The following BMP2K variants were observed in gnomAD, a reference collection of about 807,000 sequenced individuals.
BMP2K encodes the protein BMP2 inducible kinase.
In BMP2K, 74 loss-of-function variants were observed where a neutral mutation model predicts 116.0. The ratio of observed to expected loss-of-function variants is 0.64; its 90% confidence interval spans 0.53 to 0.77. The LOEUF (loss-of-function observed/expected upper bound fraction) is 0.77, where lower values mean the gene tolerates loss of function less well. BMP2K is among the 30% of genes least tolerant of loss of function. BMP2K has a pLI of 0.00. For missense variants in BMP2K, 1,365 were observed against 1,403.6 expected, an observed-to-expected ratio of 0.97 and a Z score of 0.44; for synonymous variants, 486 against 502.5, an observed-to-expected ratio of 0.97 and a Z score of 0.44.
At chr4:78,796,496 C>T (rs1159349750) in intron 1 of BMP2K, among the ~76,000 whole-genome samples, 1 of 151,882 alleles carries the variant, frequency 6.6e-6, no homozygotes, top group African/African-American at 2.4e-5. Context: ...TGTAACTAAC[C>T]TGCACAATGT....
chr4:78,878,310 C>CT (rs1485716911), intron 13 of BMP2K, among the ~76,000 whole-genome samples: 1 of 152,110 alleles, frequency 6.6e-6, no homozygotes, highest in Non-Finnish European at 1.5e-5. Context: ...GATAAGGTGA[C>CT]TGATTTTTTA....
At chr4:78,859,395 C>G (rs1731660213) in intron 7 of BMP2K, 189 bp from the exon 8 acceptor site, 1 of 423,704 alleles carries the variant, frequency 2.4e-6, no homozygotes, top group Non-Finnish European at 4.2e-6. Flanking sequence ...CTACCCTTAG[C>G]TTGGGATAAT....
At chr4:78,802,940 C>T (rs1159819358) in intron 1 of BMP2K, among the ~76,000 whole-genome samples, 1 of 152,060 alleles carries the variant, frequency 6.6e-6, no homozygotes, top group African/African-American at 2.4e-5. Context: ...ACCTCCGCCT[C>T]CCAGGTTTAT....
chr4:78,778,350 G>C (rs1727345809), intron 1 of BMP2K, among the ~76,000 whole-genome samples: 1 of 152,182 alleles, frequency 6.6e-6, no homozygotes, highest in East Asian at 1.9e-4. Flanking sequence ...TAATAAAGAT[G>C]AATTTCAAAA....
chr4:78,907,893 G>A (rs946511005), intron 15 of BMP2K, among the ~76,000 whole-genome samples: 2 of 152,216 alleles, frequency 1.3e-5, no homozygotes, highest in African/African-American at 4.8e-5. Flanking sequence ...TATGCAGCTC[G>A]AGGAGTAATA....
intron 14 of BMP2K, among the ~76,000 whole-genome samples, chr4:78,884,811 AC>A (rs530537583): frequency 3.9e-4 from 59 of 152,250 alleles, no homozygotes; most frequent in African/African-American, 1.4e-3. Flanking sequence ...CTTAATCCTC[AC>A]CTTAAGGTTT....
At chr4:78,778,665 C>T (rs921653354) in intron 1 of BMP2K, among the ~76,000 whole-genome samples, 1 of 152,188 alleles carries the variant, frequency 6.6e-6, no homozygotes, top group Admixed American at 6.5e-5. Flanking sequence ...AATTTTGATC[C>T]TGGCCGGTCT....
At chr4:78,852,419 A>G (rs954668512) in intron 7 of BMP2K, among the ~76,000 whole-genome samples, 2 of 152,142 alleles carry the variant, frequency 1.3e-5, no homozygotes, top group Non-Finnish European at 2.9e-5. Context: ...ACATAAAAGC[A>G]TTCAAGTCAA....
chr4:78,831,509 T>G (rs901583980), intron 2 of BMP2K, among the ~76,000 whole-genome samples: 4 of 152,232 alleles, frequency 2.6e-5, no homozygotes, highest in Non-Finnish European at 5.9e-5. Context: ...ACCTTTGCTA[T>G]TCTCCTTATC....
chr4:78,889,588 G>T (rs1044134724), intron 15 of BMP2K, among the ~76,000 whole-genome samples: 1 of 152,108 alleles, frequency 6.6e-6, no homozygotes, highest in African/African-American at 2.4e-5. Context: ...ACTGAAACAA[G>T]AATTAACCTC....
At chr4:78,839,755 A>G (rs772837304) in intron 3 of BMP2K, among the ~76,000 whole-genome samples, 14 of 152,174 alleles carry the variant, frequency 9.2e-5, no homozygotes, top group Non-Finnish European at 2.1e-4. Context: ...GAGATGTTCA[A>G]GGGCAGGAAG....
intron 15 of BMP2K, among the ~76,000 whole-genome samples, chr4:78,887,538 G>T (rs1407533205): frequency 1.3e-5 from 2 of 151,354 alleles, no homozygotes; most frequent in Non-Finnish European, 2.9e-5. Flanking sequence ...CTTTATTATT[G>T]GATACTGTTG....
intron 1 of BMP2K, among the ~76,000 whole-genome samples, chr4:78,824,519 A>G (rs899362026): frequency 6.6e-6 from 1 of 152,238 alleles, no homozygotes; most frequent in South Asian, 2.1e-4. Context: ...GTCTGAGGGA[A>G]TCTGCCCCCA....
intron 13 of BMP2K, among the ~76,000 whole-genome samples, chr4:78,875,075 A>G (rs1403935403): frequency 6.6e-6 from 1 of 152,216 alleles, no homozygotes; most frequent in Non-Finnish European, 1.5e-5. Context: ...TAAAGGTTAG[A>G]AATGTGGAAC....
intron 2 of BMP2K, among the ~76,000 whole-genome samples, chr4:78,832,721 C>CT (rs1381257626): frequency 6.6e-6 from 1 of 152,002 alleles, no homozygotes; most frequent in Non-Finnish European, 1.5e-5. Context: ...ACACTCAAAT[C>CT]TTGTGCTTTT....
intron 7 of BMP2K, among the ~76,000 whole-genome samples, chr4:78,851,390 A>G (rs980149354): frequency 5.9e-5 from 9 of 151,880 alleles, no homozygotes; most frequent in Non-Finnish European, 8.8e-5. Context: ...TTTTTCTTCC[A>G]TTTTGGTAGG....
chr4:78,886,583 A>G (rs1733100171), intron 14 of BMP2K, among the ~76,000 whole-genome samples: 1 of 152,092 alleles, frequency 6.6e-6, no homozygotes, highest in Admixed American at 6.5e-5. Context: ...AGATACTAAA[A>G]TTTACTTGTT....
At chr4:78,836,213 C>T (rs1457007888) in intron 3 of BMP2K, among the ~76,000 whole-genome samples, 3 of 151,882 alleles carry the variant, frequency 2.0e-5, no homozygotes, top group East Asian at 1.9e-4. Flanking sequence ...GTCAGGAGTT[C>T]GAGACCAGCC....
rs1424276123 is a variant in BMP2K at position 78,910,708 on chromosome 4, C to T, written c.2161C>T (p.Gln721Ter). Residue 721 changes from glutamine (Q) to a stop codon, truncating the protein, a stop_gained, in exon 16 of 16, where the codon CAG (glutamine) becomes TAG (stop). Transcript: ENST00000502613. LOFTEE classifies it low-confidence loss of function (END_TRUNC). ...NGKTSPASKDQRTGKKTSVQG... is the reference protein window; with the variant it reads ...NGKTSPASKD ...TAAAACAAGTCCAGCATCTAAAGAT[C>T]AGCGGACTGGAAAGAAAACCTCAGT... 6.2e-7 allele frequency: 1 copy of T among 1,612,980 alleles called. No individual in the cohort carries two copies. Among genetic ancestry groups the T allele is most frequent in the Non-Finnish European group, 8.5e-7 (1 of 1,179,660 alleles).
Sources: gnomAD v4.1 joint callset for allele counts (sites outside exome capture counted in the v4.1 genomes callset) on GRCh38, gnomAD v4.1.1 for gene constraint, MANE v1.5 for transcripts, NCBI Gene and HGNC (gene_info 2026-07-23, HGNC 2026-07-21) for gene names.